Variants in RDX observed in about 807,000 individuals in gnomAD.
RDX encodes radixin.
Under a neutral mutation model 83.7 loss-of-function variants are expected in RDX, and 32 were observed. The observed-to-expected ratio is 0.38, with a 90% CI of 0.29 to 0.51. The LOEUF is 0.51. RDX is among the 20% of genes least tolerant of loss of function. RDX has a pLI of 0.87. For missense variants in RDX, 600 were observed against 689.9 expected (o/e 0.87, Z 1.46); for synonymous variants, 229 against 222.7 (o/e 1.03, Z -0.25).
chr11:110,275,720 ATTC>A (rs1444997640), intron 2 of RDX, among the ~76,000 whole-genome samples: 2 of 150,846 alleles, frequency 1.3e-5, no homozygotes, highest in East Asian at 3.9e-4. Context: ...ATAAACTGAC[ATTC>A]TTAATTTTAA....
At chr11:110,222,029 G>A (rs775168280) in intron 14 of RDX, among the ~76,000 whole-genome samples, 3 of 152,152 alleles carry the variant, frequency 2.0e-5, no homozygotes, top group East Asian at 3.9e-4. Context: ...GTCTATATAT[G>A]TCTTATTTCA....
intron 10 of RDX, among the ~76,000 whole-genome samples, chr11:110,240,900 C>CA (rs1271069205): frequency 6.8e-6 from 1 of 146,770 alleles, no homozygotes; most frequent in Middle Eastern, 3.8e-3. Context: ...ACTAAAAATA[C>CA]AAAAAATTAG....
rs1864659024 is a variant in RDX at position 110,232,053 on chromosome 11, T to C, written c.1588-20A>G. The stretch of plus-strand genomic sequence containing the variant: ...TAATGCCTATTTAAAAAATAAAAAG[T>C]ACAACTATTATTTTTTTCTTAGATT... On this transcript the variant is annotated intron_variant, in intron 13 of 13. Coordinates refer to ENST00000645495, the MANE Select transcript of RDX (RefSeq NM_002906.4). 2 of 1,581,068 alleles carry C rather than the reference T, an allele frequency of 1.3e-6. No homozygotes were observed. The highest frequency in any genetic ancestry group is 8.7e-7 in the Non-Finnish European group (1 of 1,152,680).
chr11:110,296,284 C>G (rs1249026357), intron 1 of RDX, among the ~76,000 whole-genome samples, 183 bp downstream of exon 1: 1 of 151,132 alleles, frequency 6.6e-6, no homozygotes, highest in Non-Finnish European at 1.5e-5. Flanking sequence ...CGGGAGGAGC[C>G]TGGCCGGCCG....
At chr11:110,190,074 A>G in intron 15 of RDX, among the ~76,000 whole-genome samples, 1 of 151,956 alleles carries the variant, frequency 6.6e-6, no homozygotes, top group East Asian at 1.9e-4. Context: ...CAAGAGCGAA[A>G]CTCCATCTCA....
chr11:110,208,671 A>T (rs1048948484), intron 14 of RDX, among the ~76,000 whole-genome samples: 3 of 152,164 alleles, frequency 2.0e-5, no homozygotes, highest in Non-Finnish European at 2.9e-5. Context: ...ATTAATTTAA[A>T]AAAATAGCCA....
intron 3 of RDX, among the ~76,000 whole-genome samples, chr11:110,271,404 TA>T (rs1277618726): frequency 2.0e-5 from 3 of 152,178 alleles, no homozygotes; most frequent in African/African-American, 7.2e-5. Context: ...GAAGTTTATA[TA>T]AAAGTTATCC....
At chr11:110,265,121 T>TG (rs1478497399) in intron 3 of RDX, among the ~76,000 whole-genome samples, 8 of 151,076 alleles carry the variant, frequency 5.3e-5, no homozygotes, top group Non-Finnish European at 7.4e-5. Flanking sequence ...TTTTTTTTTT[T>TG]TTGTTCTTGT....
At chr11:110,290,669 T>G (rs1861205156) in intron 1 of RDX, among the ~76,000 whole-genome samples, 1 of 152,208 alleles carries the variant, frequency 6.6e-6, no homozygotes, top group Non-Finnish European at 1.5e-5. Flanking sequence ...ACTGACATCT[T>G]AAAGCAGTGG....
chr11:110,258,894 T>TG (rs1332908448), intron 5 of RDX, among the ~76,000 whole-genome samples: 1 of 128,016 alleles, frequency 7.8e-6, no homozygotes. Flanking sequence ...TTTTTTGAGA[T>TG]GGAGTCTCGC....
At chr11:110,237,783 A>G (rs1348731843) in intron 10 of RDX, 131 bp from the exon 11 acceptor site, 1 of 1,019,414 alleles carries the variant, frequency 9.8e-7, no homozygotes, top group South Asian at 1.3e-5. Flanking sequence ...AAATACATAT[A>G]TACCTCTTTG....
chr11:110,195,053 C>T (rs988919696), intron 15 of RDX, among the ~76,000 whole-genome samples: 8 of 152,080 alleles, frequency 5.3e-5, no homozygotes, highest in African/African-American at 9.7e-5. Flanking sequence ...CGCAGTGGTG[C>T]GATCTCAGCT....
intron 1 of RDX, among the ~76,000 whole-genome samples, chr11:110,296,226 C>A (rs1024911921): frequency 6.6e-6 from 1 of 152,070 alleles, no homozygotes. Flanking sequence ...ACGTTCGGGC[C>A]GCGGCTCAGC....
At chr11:110,240,771 T>C (rs1293714373) in intron 10 of RDX, among the ~76,000 whole-genome samples, 1 of 123,338 alleles carries the variant, frequency 8.1e-6, no homozygotes. Context: ...ACGGTAAAAA[T>C]GGCCAGGCAC....
intron 14 of RDX, among the ~76,000 whole-genome samples, chr11:110,219,355 C>T (rs1864167745): frequency 6.6e-6 from 1 of 152,160 alleles, no homozygotes; most frequent in Non-Finnish European, 1.5e-5. Flanking sequence ...GATTAGGCTG[C>T]AAATGACCGC....
chr11:110,224,186 A>T (rs540755360), intron 14 of RDX, among the ~76,000 whole-genome samples: 1 of 151,814 alleles, frequency 6.6e-6, no homozygotes, highest in East Asian at 1.9e-4. Flanking sequence ...TGAAAGAGTT[A>T]TTTTTCTAAC....
intron 14 of RDX, among the ~76,000 whole-genome samples, chr11:110,222,132 T>C (rs138636340): frequency 7.2e-4 from 109 of 152,316 alleles, no homozygotes; most frequent in Middle Eastern, 3.4e-3. Flanking sequence ...AATATCTAAT[T>C]TTTAAGAGCT....
intron 15 of RDX, among the ~76,000 whole-genome samples, chr11:110,183,536 C>A (rs1862929199): frequency 6.6e-6 from 1 of 152,232 alleles, no homozygotes; most frequent in African/African-American, 2.4e-5. Flanking sequence ...GATGCTCAGA[C>A]AGGTCCCCAA....
At chr11:110,289,955 T>TAAA (rs1861152058) in intron 1 of RDX, among the ~76,000 whole-genome samples, 2 of 8,408 alleles carry the variant, frequency 2.4e-4, no homozygotes, top group African/African-American at 1.0e-3. Context: ...TGAGACTGTC[T>TAAA]CAAAAAAAAA....
Sources: allele counts gnomAD v4.1 joint callset (sites outside exome capture counted in the v4.1 genomes callset), GRCh38; gene constraint gnomAD v4.1.1; transcripts MANE v1.5; gene names NCBI Gene and HGNC (gene_info 2026-07-23, HGNC 2026-07-21).